UPF1: variants seen among roughly 807,000 people sequenced by gnomAD.
The protein encoded by UPF1 is regulator of nonsense transcripts 1.
UPF1 carries 9 observed loss-of-function variants against 129.2 expected under a neutral mutation model. That is an observed-to-expected ratio of 0.07 (90% CI 0.04 to 0.12). The LOEUF is 0.12. UPF1 is among the 10% of genes least tolerant of loss of function. The pLI, the probability that UPF1 is intolerant of heterozygous loss-of-function variation, is 1.00. For missense variants in UPF1, 788 were observed against 1,525.3 expected, an observed-to-expected ratio of 0.52 and a Z score of 8.05; for synonymous variants, 649 against 644.9, an observed-to-expected ratio of 1.01 and a Z score of -0.10.
At chr19:18,863,362 C>T (rs763884131) in intron 18 of UPF1, 76 bp from the exon 19 acceptor site, 63 of 1,549,906 alleles carry the variant, frequency 4.1e-5, no homozygotes, top group Non-Finnish European at 5.4e-5. Context: ...TGAGTGAATG[C>T]AGCCTTGCCT....
At chr19:18,843,930 G>A (rs964172667) in intron 1 of UPF1, among the ~76,000 whole-genome samples, 1 of 151,932 alleles carries the variant, frequency 6.6e-6, no homozygotes, top group Non-Finnish European at 1.5e-5. Flanking sequence ...ATTTTTTTGT[G>A]GAGACAGGAT....
rs200504970 is a variant in UPF1 at position 18,856,810 on chromosome 19, A to G, written c.1825-67A>G. ...CAGGAGAGCTTCTGTGTTCTGTCCCACCTGCCCTCCGGGGTCTGGTGGCGT... is the reference window on the plus strand; with the variant it reads ...CAGGAGAGCTTCTGTGTTCTGTCCCGCCTGCCCTCCGGGGTCTGGTGGCGT... On this transcript the variant is annotated intron_variant, in intron 13 of 23. Transcript: ENST00000262803. 195 of 1,541,944 alleles carry G rather than the reference A, an allele frequency of 1.3e-4. No individual in the cohort carries two copies. The East Asian group carries it at 3.1e-3, about 24-fold the overall frequency.
At chr19:18,864,298 G>A (rs370424603) in intron 20 of UPF1, 47 bp downstream of exon 20, 6 of 1,540,470 alleles carry the variant, frequency 3.9e-6, no homozygotes, top group African/African-American at 2.7e-5. Context: ...TCCTCACACC[G>A]GGATGCTGGC....
At position 18,866,168 on chromosome 19, in the gene UPF1, C is replaced by A; in HGVS notation, c.*3+2C>A. The A allele has an allele frequency of 1.3e-6, 2 of 1,590,722 alleles. No homozygotes were observed. The highest frequency in any genetic ancestry group is 1.7e-6 in the Non-Finnish European group (2 of 1,168,378). On this transcript the variant is annotated splice_donor_variant, in intron 23 of 23. Coordinates refer to ENST00000262803, the MANE Select transcript of UPF1 (RefSeq NM_002911.4). LOFTEE classifies it low-confidence loss of function (3UTR_SPLICE). ...ACGGGGCTGTCCCAGTATTAAAAGG[C>A]AAGCCCCCCTGGAGCAGGCCTGGCC...
intron 16 of UPF1, 76 bp downstream of exon 16, chr19:18,860,514 T>C: frequency 7.7e-6 from 11 of 1,436,468 alleles, no homozygotes; most frequent in Non-Finnish European, 1.1e-5. Context: ...TTCTACTTAT[T>C]TTTAACATGG....
Position 18,851,647 on chromosome 19 carries a change from C to T in UPF1, c.811-488C>T, listed in dbSNP as rs752814642. Among the ~76,000 whole-genome samples, 1 of 152,212 alleles carries T rather than the reference C, an allele frequency of 6.6e-6. No individual in the cohort carries two copies. Among genetic ancestry groups the T allele is most frequent in the African/African-American group, 2.4e-5 (1 of 41,462 alleles). On this transcript the variant is annotated intron_variant, in intron 5 of 23. Transcript: ENST00000262803. This position sits in a 1 kb window ranked among gnomAD's most constrained non-coding sequence, Gnocchi z 4.2. Reference sequence around the variant, plus strand: ...GCCCCCAGGGGAAGAGCTGCGGGCCCATGTTGGTCTGGCTCAGGGTTAGCA... The same window carrying T: ...GCCCCCAGGGGAAGAGCTGCGGGCCTATGTTGGTCTGGCTCAGGGTTAGCA...
intron 1 of UPF1, among the ~76,000 whole-genome samples, chr19:18,834,796 T>TG (rs2055466301): frequency 6.6e-6 from 1 of 152,230 alleles, no homozygotes; most frequent in Admixed American, 6.5e-5. Context: ...CTTTCCCTGT[T>TG]TGTCCTCAGG....
chr19:18,866,317 C>T (rs1163100621), intron 23 of UPF1, among the ~76,000 whole-genome samples, 151 bp downstream of exon 23: 2 of 152,202 alleles, frequency 1.3e-5, no homozygotes, highest in Non-Finnish European at 1.5e-5. Context: ...CCAGCTTGGC[C>T]TGTGCCCTTC....
chr19:18,860,127 C>CG, intron 15 of UPF1, 194 bp from the exon 16 acceptor site: 2 of 581,038 alleles, frequency 3.4e-6, no homozygotes, highest in Non-Finnish European at 6.1e-6. Context: ...GGTGGCCTCT[C>CG]CTCAGCCTTG....
At chr19:18,855,297 G>T in intron 11 of UPF1, 55 bp downstream of exon 11, 2 of 1,575,872 alleles carry the variant, frequency 1.3e-6, no homozygotes, top group African/African-American at 1.3e-5. Context: ...AGGGTGGCCA[G>T]ATGGAAGGCC....
At chr19:18,836,015 A>C (rs2055480266) in intron 1 of UPF1, among the ~76,000 whole-genome samples, 1 of 152,208 alleles carries the variant, frequency 6.6e-6, no homozygotes, top group Non-Finnish European at 1.5e-5. Flanking sequence ...GACTCCCTGC[A>C]CTCAGAGCTG....
In UPF1 at chr19:18,865,281, AT is replaced by A; in HGVS notation, c.2858-5del. On this transcript the variant is annotated splice_region_variant and splice_polypyrimidine_tract_variant and intron_variant, in intron 20 of 23. Coordinates refer to ENST00000262803, the MANE Select transcript of UPF1 (RefSeq NM_002911.4). This position sits in a 1 kb window ranked among gnomAD's most constrained non-coding sequence, Gnocchi z 6.1. Reference sequence around the variant, plus strand: ...GTGACACCTGCCGTGTTCCACTGTGATTTGCAGGCCGGCCTTCCAGCATGTA... The same window carrying A: ...GTGACACCTGCCGTGTTCCACTGTGATTGCAGGCCGGCCTTCCAGCATGTA... 1 of 1,597,752 alleles carries A rather than the reference AT, an allele frequency of 6.3e-7. No homozygotes were observed. Among genetic ancestry groups the A allele is most frequent in the Non-Finnish European group, 8.6e-7 (1 of 1,167,164 alleles).
In UPF1 at chr19:18,865,836, A is replaced by G; in HGVS notation, c.3237+58A>G. The G allele has an allele frequency of 6.2e-7, 1 of 1,603,790 alleles. No individual in the cohort carries two copies. The highest frequency in any genetic ancestry group is 8.5e-7 in the Non-Finnish European group (1 of 1,176,962). On this transcript the variant is annotated intron_variant, in intron 22 of 23. Transcript: ENST00000262803. The surrounding 1 kb of genome is among the most constrained non-coding windows in gnomAD (Gnocchi z 6.1). ...GTGAGGGTGGGGCTATGCACCTGAA[A>G]CATTCCCTCTGAAGAGCCCCAGAGA...
intron 3 of UPF1, among the ~76,000 whole-genome samples, chr19:18,848,673 G>C (rs1293960785): frequency 2.0e-5 from 3 of 152,154 alleles, no homozygotes; most frequent in African/African-American, 7.2e-5. Flanking sequence ...GTCTCGGAGG[G>C]TTACAGATGG....
rs1214842196 is a variant in UPF1 at position 18,867,567 on chromosome 19, C to T, written c.*1050C>T. The T allele has an allele frequency of 6.6e-6, 1 of 152,322 alleles. No individual in the cohort carries two copies. Among genetic ancestry groups the T allele is most frequent in the African/African-American group, 2.4e-5 (1 of 41,474 alleles). 9.4% of individuals were successfully genotyped at this position (152,322 alleles called of 1,614,324 possible). On this transcript the variant is annotated 3_prime_UTR_variant, in exon 24 of 24. Coordinates refer to ENST00000262803, the MANE Select transcript of UPF1 (RefSeq NM_002911.4). Reference sequence around the variant, plus strand: ...CCCGTCCCCAGGAGGTACCGACAGTCCCTGTGCTGGTTAGACACGGAGCGC... The same window carrying T: ...CCCGTCCCCAGGAGGTACCGACAGTTCCTGTGCTGGTTAGACACGGAGCGC...
chr19:18,855,797 G>A, intron 11 of UPF1, 128 bp from the exon 12 acceptor site: 1 of 1,316,736 alleles, frequency 7.6e-7, no homozygotes, highest in Non-Finnish European at 1.0e-6. Context: ...GCAATTAGCT[G>A]AGATCACACC....
chr19:18,843,493 C>T (rs1039684136), intron 1 of UPF1, among the ~76,000 whole-genome samples: 1 of 146,272 alleles, frequency 6.8e-6, no homozygotes, highest in Non-Finnish European at 1.5e-5. Flanking sequence ...TGGTTTTCGT[C>T]TGTGGGAATG....
chr19:18,850,638 G>C lies in UPF1; in HGVS notation c.630-50G>C. The C allele has an allele frequency of 6.7e-7, 1 of 1,497,894 alleles. No individual in the cohort carries two copies. The highest frequency in any genetic ancestry group is 8.9e-7 in the Non-Finnish European group (1 of 1,126,026). The allele number at this position is 1,497,894 out of a possible 1,614,324, so 92.8% of individuals were successfully genotyped here. On this transcript the variant is annotated intron_variant, in intron 4 of 23. Coordinates refer to ENST00000262803, the MANE Select transcript of UPF1 (RefSeq NM_002911.4). The surrounding 1 kb of genome is among the most constrained non-coding windows in gnomAD (Gnocchi z 7.1). Reference sequence around the variant, plus strand: ...CATGGGAGGGGGCCCTCCCTGCTCCGGGGCTTCAGGGACGGGAGCTGGTCC... The same window carrying C: ...CATGGGAGGGGGCCCTCCCTGCTCCCGGGCTTCAGGGACGGGAGCTGGTCC...
At position 18,856,225 on chromosome 19, in the gene UPF1, G is replaced by A; in HGVS notation, c.1749G>A (p.Glu583=). Residue 583 remains glutamate, a synonymous_variant, in exon 13 of 24, where the codon GAG becomes GAA. Transcript: ENST00000262803. Reference sequence around the variant, plus strand: ...AGAAGCTGCAGCAGCTGAAAGACGAGACTGGGGAGCTGTCGTCTGCCGACG... The same window carrying A: ...AGAAGCTGCAGCAGCTGAAAGACGAAACTGGGGAGCTGTCGTCTGCCGACG... The part of the protein sequence containing the change: ...ELQKLQQLKD[E]TGELSSADEK... The A allele has an allele frequency of 6.2e-7, 1 of 1,611,056 alleles. No homozygotes were observed. The highest frequency in any genetic ancestry group is 2.2e-5 in the East Asian group (1 of 44,772).
Sources: allele counts gnomAD v4.1 joint callset (sites outside exome capture counted in the v4.1 genomes callset), GRCh38; gene constraint gnomAD v4.1.1; non-coding constraint Gnocchi (gnomAD v3.1); transcripts MANE v1.5; gene names NCBI Gene and HGNC (gene_info 2026-07-23, HGNC 2026-07-21).